The following SUMO4 variants were observed in gnomAD, a reference collection of about 807,000 sequenced individuals.
SUMO4 encodes small ubiquitin like modifier 4.
In SUMO4, 6 loss-of-function variants were observed where a neutral mutation model predicts 7.7. The ratio of observed to expected loss-of-function variants is 0.78; its 90% CI spans 0.43 to 1.53. SUMO4 has a LOEUF of 1.53. Ranked by LOEUF, SUMO4 falls within the 40% of genes most tolerant of loss-of-function variation. The pLI, the probability that SUMO4 is intolerant of heterozygous loss-of-function variation, is 0.01. For missense variants in SUMO4, 113 were observed against 113.6 expected (o/e 0.99, Z 0.03); for synonymous variants, 43 against 41.2 (o/e 1.04, Z -0.17).
chr6:149,400,709 G>A lies in SUMO4; in HGVS notation c.*30G>A, dbSNP rs374134872. On this transcript the variant is annotated 3_prime_UTR_variant, in exon 1 of 1. Transcript: ENST00000326669. ...GGAACCTGCTTCTTTACTCCAGAAC[G>A]CTGTTCTTTAAAGACCAAGATTACT... 1.2e-5 allele frequency: 19 copies of A among 1,601,120 alleles called. No individual in the cohort carries two copies. The highest frequency in any genetic ancestry group is 8.6e-5 in the Admixed American group (5 of 58,200).
Position 149,400,416 on chromosome 6 carries a change from G to T in SUMO4, c.25G>T (p.Glu9Ter). The T allele has an allele frequency of 6.2e-7, 1 of 1,614,216 alleles. No homozygotes were observed. Among genetic ancestry groups the T allele is most frequent in the South Asian group, 1.1e-5 (1 of 91,086 alleles). Residue 9 changes from glutamate (E) to a stop codon, truncating the protein, a stop_gained, in exon 1 of 1, where the codon GAA becomes TAA. Coordinates refer to ENST00000326669, the MANE Select transcript of SUMO4 (RefSeq NM_001002255.2). LOFTEE classifies it high-confidence loss of function. MANEKPTE[E>*]VKTENNNHIN... is the part of the protein sequence containing the mutation. ...CATGGCCAACGAAAAGCCCACAGAA[G>T]AAGTCAAGACTGAGAACAACAATCA...
rs758605164 is a variant in SUMO4 at position 149,400,938 on chromosome 6, G to GA, written c.*265dup. On this transcript the variant is annotated 3_prime_UTR_variant, in exon 1 of 1. Transcript: ENST00000326669. ...TTGACATCAAGTGGAGACAGGATGG[G>GA]AAAAAATACTGATTCTGTGAAAATA... is the stretch of plus-strand genomic sequence containing the variant. 38 of 437,892 alleles carry GA rather than the reference G, an allele frequency of 8.7e-5. No individual in the cohort carries two copies. Among genetic ancestry groups the GA allele is most frequent in the African/African-American group, 5.9e-4 (29 of 49,442 alleles). 27.1% of individuals were successfully genotyped at this position (437,892 alleles called of 1,614,324 possible).
Position 149,400,439 on chromosome 6 carries a change from T to C in SUMO4, c.48T>C (p.Asn16=). The change falls in exon 1 of 1, where the codon AAT becomes AAC. Residue 16 remains asparagine (N), a synonymous_variant. Transcript: ENST00000326669. Reference sequence around the variant, plus strand: ...AAGAAGTCAAGACTGAGAACAACAATCATATTAATTTGAAGGTGGCGGGAC... The same window carrying C: ...AAGAAGTCAAGACTGAGAACAACAACCATATTAATTTGAAGGTGGCGGGAC... The part of the protein sequence containing the change: ...PTEEVKTENN[N]HINLKVAGQD... 1 of 1,614,182 alleles carries C rather than the reference T, an allele frequency of 6.2e-7. No homozygotes were observed. The highest frequency in any genetic ancestry group is 8.5e-7 in the Non-Finnish European group (1 of 1,180,042).
chr6:149,400,328 T>C lies in SUMO4; in HGVS notation c.-64T>C. The C allele has an allele frequency of 5.8e-6, 9 of 1,548,706 alleles. No individual in the cohort carries two copies. The highest frequency in any genetic ancestry group is 7.9e-6 in the Non-Finnish European group (9 of 1,141,266). ...GCTGCTCTTCCTGCTGCTCGTGTAC[T>C]CGTTAGGTGCGGACCCGCCACCTCT... On this transcript the variant is annotated 5_prime_UTR_variant, in exon 1 of 1. Coordinates refer to ENST00000326669, the MANE Select transcript of SUMO4 (RefSeq NM_001002255.2).
At position 149,400,410 on chromosome 6, in the gene SUMO4, A is replaced by G. The variant is rs1782337784; in HGVS notation, c.19A>G (p.Thr7Ala). 1 of 1,614,216 alleles carries G rather than the reference A, an allele frequency of 6.2e-7. No individual in the cohort carries two copies. The highest frequency in any genetic ancestry group is 8.5e-7 in the Non-Finnish European group (1 of 1,180,044). Residue 7 changes from threonine to alanine, a missense_variant, in exon 1 of 1, where the codon ACA (threonine) becomes GCA (alanine). Physicochemically the swap from Thr to Ala is moderately conservative, Grantham distance 58. Coordinates refer to ENST00000326669, the MANE Select transcript of SUMO4 (RefSeq NM_001002255.2). ...GTTCACCATGGCCAACGAAAAGCCC[A>G]CAGAAGAAGTCAAGACTGAGAACAA... MANEKP[T>A]EEVKTENNNH...
chr6:149,400,550 G>A lies in SUMO4; in HGVS notation c.159G>A (p.Leu53=). 1 of 1,614,236 alleles carries A rather than the reference G, an allele frequency of 6.2e-7. No individual in the cohort carries two copies. Among genetic ancestry groups the A allele is most frequent in the Non-Finnish European group, 8.5e-7 (1 of 1,180,034 alleles). The change falls in exon 1 of 1, where the codon TTG becomes TTA. Residue 53 remains leucine (L), a synonymous_variant. Transcript: ENST00000326669. ...LMKAYCEPRG[L]SVKQIRFRFG... ...AAGCCTATTGTGAACCACGGGGATT[G>A]TCAGTGAAGCAGATCAGATTCCGAT... is the stretch of plus-strand genomic sequence containing the variant.
At position 149,400,271 on chromosome 6, in the gene SUMO4, A is replaced by T; in HGVS notation, c.-121A>T. The T allele has an allele frequency of 3.7e-6, 4 of 1,072,496 alleles. No homozygotes were observed. Among genetic ancestry groups the T allele is most frequent in the Non-Finnish European group, 2.7e-6 (2 of 751,832 alleles). 66.4% of individuals were successfully genotyped at this position (1,072,496 alleles called of 1,614,324 possible). ...GGGAGGGAGCCCAGGATGTGCACGC[A>T]CCCTCTCCCTCATCCACCGCTGTCA... is the stretch of plus-strand genomic sequence containing the variant. On this transcript the variant is annotated 5_prime_UTR_variant, in exon 1 of 1. Transcript: ENST00000326669.
Position 149,400,301 on chromosome 6 carries a change from C to A in SUMO4, c.-91C>A. On this transcript the variant is annotated 5_prime_UTR_variant, in exon 1 of 1. It adds an upstream start codon to the 5' untranslated region. Coordinates refer to ENST00000326669, the MANE Select transcript of SUMO4 (RefSeq NM_001002255.2). Reference sequence around the variant, plus strand: ...CTCCCTCATCCACCGCTGTCACCTCCTGCTGCTCTTCCTGCTGCTCGTGTA... The same window carrying A: ...CTCCCTCATCCACCGCTGTCACCTCATGCTGCTCTTCCTGCTGCTCGTGTA... 1 of 1,432,302 alleles carries A rather than the reference C, an allele frequency of 7.0e-7. No homozygotes were observed. Among genetic ancestry groups the A allele is most frequent in the Non-Finnish European group, 9.5e-7 (1 of 1,053,012 alleles). The allele number at this position is 1,432,302 out of a possible 1,614,324, so 88.7% of individuals were successfully genotyped here. A position where few individuals can be genotyped will look rare whatever the true frequency, so the allele number is the denominator to read the frequency against.
chr6:149,401,053 A>C lies in SUMO4; in HGVS notation c.*374A>C, dbSNP rs9498344. On this transcript the variant is annotated 3_prime_UTR_variant, in exon 1 of 1. Transcript: ENST00000326669. Reference sequence around the variant, plus strand: ...GCTCTCACTGTTTTAACAACAACAAAAAAAAATTCTCACATACCTTGTTCA... The same window carrying C: ...GCTCTCACTGTTTTAACAACAACAACAAAAAATTCTCACATACCTTGTTCA... 44,232 of 190,500 alleles carry C rather than the reference A, an allele frequency of 0.23. 5,415 individuals carry two copies. Among genetic ancestry groups the C allele is most frequent in the Non-Finnish European group, 0.25 (21,065 of 83,766 alleles). 11.8% of individuals were successfully genotyped at this position (190,500 alleles called of 1,614,324 possible).
chr6:149,400,379 T>C lies in SUMO4; in HGVS notation c.-13T>C. 1 of 1,613,018 alleles carries C rather than the reference T, an allele frequency of 6.2e-7. No homozygotes were observed. Among genetic ancestry groups the C allele is most frequent in the Non-Finnish European group, 8.5e-7 (1 of 1,179,514 alleles). The stretch of plus-strand genomic sequence containing the variant: ...TTTGTGAAGCAGCAGCTGAGGAGAC[T>C]CCGGTGTTCACCATGGCCAACGAAA... On this transcript the variant is annotated 5_prime_UTR_variant, in exon 1 of 1. Coordinates refer to ENST00000326669, the MANE Select transcript of SUMO4 (RefSeq NM_001002255.2).
rs747878222 is a variant in SUMO4 at position 149,400,428 on chromosome 6, G to C, written c.37G>C (p.Glu13Gln). 1 of 1,614,176 alleles carries C rather than the reference G, an allele frequency of 6.2e-7. No individual in the cohort carries two copies. Among genetic ancestry groups the C allele is most frequent in the East Asian group, 2.2e-5 (1 of 44,896 alleles). ...NEKPTEEVKTENNNHINLKVA... is the reference protein window; with the variant it reads ...NEKPTEEVKTQNNNHINLKVA... Reference sequence around the variant, plus strand: ...AAAGCCCACAGAAGAAGTCAAGACTGAGAACAACAATCATATTAATTTGAA... The same window carrying C: ...AAAGCCCACAGAAGAAGTCAAGACTCAGAACAACAATCATATTAATTTGAA... Residue 13 changes from glutamate (E) to glutamine (Q), a missense_variant, in exon 1 of 1, where the codon GAG becomes CAG. Physicochemically the swap from Glu to Gln is conservative, Grantham distance 29. Coordinates refer to ENST00000326669, the MANE Select transcript of SUMO4 (RefSeq NM_001002255.2).
At position 149,401,195 on chromosome 6, in the gene SUMO4, T is replaced by G. The variant is rs1782396581; in HGVS notation, c.*516T>G. On this transcript the variant is annotated 3_prime_UTR_variant, in exon 1 of 1. Coordinates refer to ENST00000326669, the MANE Select transcript of SUMO4 (RefSeq NM_001002255.2). Reference sequence around the variant, plus strand: ...CTGTCTTTAAGTAGGGATAAATTACTCTAAAAAAAAAAGAAAGAATCCTAG... The same window carrying G: ...CTGTCTTTAAGTAGGGATAAATTACGCTAAAAAAAAAAGAAAGAATCCTAG... 1 of 166,488 alleles carries G rather than the reference T, an allele frequency of 6.0e-6. No homozygotes were observed. The highest frequency in any genetic ancestry group is 1.5e-5 in the Non-Finnish European group (1 of 68,020). The allele number at this position is 166,488 out of a possible 1,614,324, so 10.3% of individuals were successfully genotyped here.
rs2114953319 is a variant in SUMO4 at position 149,400,951 on chromosome 6, T to G, written c.*272T>G. The G allele has an allele frequency of 2.4e-6, 1 of 414,404 alleles. No homozygotes were observed. Among genetic ancestry groups the G allele is most frequent in the South Asian group, 5.3e-5 (1 of 18,724 alleles). 25.7% of individuals were successfully genotyped at this position (414,404 alleles called of 1,614,324 possible). On this transcript the variant is annotated 3_prime_UTR_variant, in exon 1 of 1. Transcript: ENST00000326669. ...GAGACAGGATGGGAAAAAATACTGA[T>G]TCTGTGAAAATACCCCCTTTATCCA...
chr6:149,400,674 T>C lies in SUMO4; in HGVS notation c.283T>C (p.Tyr95His). The change falls in exon 1 of 1, where the codon TAC becomes CAC. Residue 95 changes from tyrosine to histidine, a missense_variant. By Grantham distance (83) the Tyr-to-His change is moderately conservative. Transcript: ENST00000326669. ...DVFQQPTGGV[Y>H] ...GTTTCAACAGCCTACGGGAGGTGTC[T>C]ACTGAAAAGGGAACCTGCTTCTTTA... is the stretch of plus-strand genomic sequence containing the variant. The C allele has an allele frequency of 1.9e-6, 3 of 1,613,684 alleles. No individual in the cohort carries two copies. The highest frequency in any genetic ancestry group is 2.5e-6 in the Non-Finnish European group (3 of 1,179,780).
At position 149,400,321 on chromosome 6, in the gene SUMO4, C is replaced by T. The variant is rs1281803657; in HGVS notation, c.-71C>T. ...ACCTCCTGCTGCTCTTCCTGCTGCT[C>T]GTGTACTCGTTAGGTGCGGACCCGC... On this transcript the variant is annotated 5_prime_UTR_variant, in exon 1 of 1. Coordinates refer to ENST00000326669, the MANE Select transcript of SUMO4 (RefSeq NM_001002255.2). 27 of 1,522,980 alleles carry T rather than the reference C, an allele frequency of 1.8e-5. No individual in the cohort carries two copies. The South Asian group carries it at 2.1e-4, about 12-fold the overall frequency. 94.3% of individuals were successfully genotyped at this position (1,522,980 alleles called of 1,614,324 possible). A position where few individuals can be genotyped will look rare whatever the true frequency, so the allele number is the denominator to read the frequency against.
chr6:149,401,044 C>A lies in SUMO4; in HGVS notation c.*365C>A, dbSNP rs1239981508. Reference sequence around the variant, plus strand: ...AGTTATTTTGCTCTCACTGTTTTAACAACAACAAAAAAAAATTCTCACATA... The same window carrying A: ...AGTTATTTTGCTCTCACTGTTTTAAAAACAACAAAAAAAAATTCTCACATA... On this transcript the variant is annotated 3_prime_UTR_variant, in exon 1 of 1. Transcript: ENST00000326669. The A allele has an allele frequency of 2.5e-5, 5 of 199,508 alleles. No individual in the cohort carries two copies. The highest frequency in any genetic ancestry group is 1.1e-4 in the Admixed American group (2 of 17,420). 12.4% of individuals were successfully genotyped at this position (199,508 alleles called of 1,614,324 possible).
In SUMO4 at chr6:149,400,794, T is replaced by G. The variant is rs1782358891; in HGVS notation, c.*115T>G. Reference sequence around the variant, plus strand: ...CCACATTCTGACTACTACAGTATAGTTTTCTCTATTCTTTTGTTTCCCCCT... The same window carrying G: ...CCACATTCTGACTACTACAGTATAGGTTTCTCTATTCTTTTGTTTCCCCCT... On this transcript the variant is annotated 3_prime_UTR_variant, in exon 1 of 1. Coordinates refer to ENST00000326669, the MANE Select transcript of SUMO4 (RefSeq NM_001002255.2). 2.6e-6 allele frequency: 3 copies of G among 1,151,052 alleles called. No homozygotes were observed. Among genetic ancestry groups the G allele is most frequent in the Non-Finnish European group, 3.7e-6 (3 of 809,314 alleles). The allele number at this position is 1,151,052 out of a possible 1,614,324, so 71.3% of individuals were successfully genotyped here. A position where few individuals can be genotyped will look rare whatever the true frequency, so the allele number is the denominator to read the frequency against.
At position 149,400,599 on chromosome 6, in the gene SUMO4, A is replaced by G; in HGVS notation, c.208A>G (p.Thr70Ala). 3 of 1,614,246 alleles carry G rather than the reference A, an allele frequency of 1.9e-6. No individual in the cohort carries two copies. The highest frequency in any genetic ancestry group is 2.5e-6 in the Non-Finnish European group (3 of 1,180,052). ...ATTTGGTGGGCAACCAATCAGTGGA[A>G]CAGACAAACCTGCACAGTTGGAAAT... Reference protein sequence around the residue: ...FRFGGQPISGTDKPAQLEMED... With the variant: ...FRFGGQPISGADKPAQLEMED... The change falls in exon 1 of 1, where the codon ACA becomes GCA. Residue 70 changes from threonine to alanine, a missense_variant. Physicochemically the swap from Thr to Ala is moderately conservative, Grantham distance 58. Transcript: ENST00000326669.
Position 149,400,278 on chromosome 6 carries a change from C to T in SUMO4, c.-114C>T. The T allele has an allele frequency of 1.7e-6, 2 of 1,195,862 alleles. No individual in the cohort carries two copies. The highest frequency in any genetic ancestry group is 1.2e-6 in the Non-Finnish European group (1 of 857,698). The allele number at this position is 1,195,862 out of a possible 1,614,324, so 74.1% of individuals were successfully genotyped here. A position where few individuals can be genotyped will look rare whatever the true frequency, so the allele number is the denominator to read the frequency against. On this transcript the variant is annotated 5_prime_UTR_variant, in exon 1 of 1. Coordinates refer to ENST00000326669, the MANE Select transcript of SUMO4 (RefSeq NM_001002255.2). Reference sequence around the variant, plus strand: ...AGCCCAGGATGTGCACGCACCCTCTCCCTCATCCACCGCTGTCACCTCCTG... The same window carrying T: ...AGCCCAGGATGTGCACGCACCCTCTTCCTCATCCACCGCTGTCACCTCCTG...
Sources: allele counts gnomAD v4.1 joint callset, GRCh38; gene constraint gnomAD v4.1.1; transcripts MANE v1.5; gene names NCBI Gene and HGNC (gene_info 2026-07-23, HGNC 2026-07-21).